Variants in TOP1 observed in about 807,000 individuals in gnomAD.
TOP1 encodes the protein DNA topoisomerase I, also known as DNA topoisomerase 1.
Under a neutral mutation model 111.1 loss-of-function variants are expected in TOP1, and 10 were observed. The observed-to-expected ratio is 0.09, with a 90% CI of 0.06 to 0.15. The LOEUF (loss-of-function observed/expected upper bound fraction) is 0.15, where lower values mean the gene tolerates loss of function less well. Among genes scored for constraint, TOP1 ranks in the 10% least tolerant of loss-of-function variants. TOP1 has a pLI of 1.00. For synonymous variants in TOP1, 271 were observed against 302.9 expected (o/e 0.89, Z 1.10); for missense variants, 474 against 926.7 (o/e 0.51, Z 6.34).
Position 41,115,253 on chromosome 20 carries a change from A to G in TOP1, c.1639-118A>G. ...AAAATGTTAACAGTGAATCTCGGTGACGGATGTATGCGTGTTCCTTGTGCC... is the reference window on the plus strand; with the variant it reads ...AAAATGTTAACAGTGAATCTCGGTGGCGGATGTATGCGTGTTCCTTGTGCC... On this transcript the variant is annotated intron_variant, in intron 15 of 20. Coordinates refer to ENST00000361337, the MANE Select transcript of TOP1 (RefSeq NM_003286.4). This position sits in a 1 kb window ranked among gnomAD's most constrained non-coding sequence, Gnocchi z 6.3. 1 of 643,866 alleles carries G rather than the reference A, an allele frequency of 1.6e-6. No individual in the cohort carries two copies. 39.9% of individuals were successfully genotyped at this position (643,866 alleles called of 1,614,324 possible).
At position 41,097,575 on chromosome 20, in the gene TOP1, G is replaced by A. The variant is rs1332522962; in HGVS notation, c.852+234G>A. Among the ~76,000 whole-genome samples, 2 of 152,138 alleles carry A rather than the reference G, an allele frequency of 1.3e-5. No homozygotes were observed. Among genetic ancestry groups the A allele is most frequent in the African/African-American group, 2.4e-5 (1 of 41,426 alleles). On this transcript the variant is annotated intron_variant, in intron 10 of 20. Transcript: ENST00000361337. This position sits in a 1 kb window ranked among gnomAD's most constrained non-coding sequence, Gnocchi z 4.2. ...TCTCATGTGATGGCAGGTAGGTGGG[G>A]GTTATCAGATTAGGCCAAACAGAAA...
At chr20:41,087,881 C>T (rs1350913087) in intron 8 of TOP1, among the ~76,000 whole-genome samples, 1 of 151,856 alleles carries the variant, frequency 6.6e-6, no homozygotes, top group Non-Finnish European at 1.5e-5. Context: ...TTATTCAAGT[C>T]AAGCTGCCAA....
chr20:41,029,211 C>T lies in TOP1; in HGVS notation c.33+111C>T. On this transcript the variant is annotated intron_variant, in intron 1 of 20. Transcript: ENST00000361337. The surrounding 1 kb of genome is among the most constrained non-coding windows in gnomAD (Gnocchi z 6.1). ...CCCGGCAGCTTTGACAGGCCGGAGC[C>T]CCCGGTGAGGGGCCGCCTGCCGGAG... 1 of 936,350 alleles carries T rather than the reference C, an allele frequency of 1.1e-6. No individual in the cohort carries two copies. Among genetic ancestry groups the T allele is most frequent in the Non-Finnish European group, 1.5e-6 (1 of 684,762 alleles). 58.0% of individuals were successfully genotyped at this position (936,350 alleles called of 1,614,324 possible). A position where few individuals can be genotyped will look rare whatever the true frequency, so the allele number is the denominator to read the frequency against.
intron 2 of TOP1, among the ~76,000 whole-genome samples, chr20:41,041,399 A>G (rs2033262013): frequency 7.0e-6 from 1 of 142,936 alleles, no homozygotes; most frequent in Non-Finnish European, 1.5e-5. Context: ...GCAGGGAGCC[A>G]TGTTTGCCCT....
In TOP1 at chr20:41,123,003, C is replaced by T. The variant is rs2034445753; in HGVS notation, c.2196-192C>T. 6.6e-6 allele frequency among the ~76,000 whole-genome samples: 1 copy of T among 152,190 alleles called. No individual in the cohort carries two copies. Among genetic ancestry groups the T allele is most frequent in the African/African-American group, 2.4e-5 (1 of 41,452 alleles). On this transcript the variant is annotated intron_variant, in intron 20 of 20. Transcript: ENST00000361337. The surrounding 1 kb of genome is among the most constrained non-coding windows in gnomAD (Gnocchi z 5.8). The stretch of plus-strand genomic sequence containing the variant: ...TTCACTTGTACATCTGCAGAAGCAC[C>T]TACTTTAGAGATCACTGCCAAGATT...
At position 41,110,803 on chromosome 20, in the gene TOP1, G is replaced by T. The variant is rs1474503768; in HGVS notation, c.1309-1979G>T. ...AGACCTTGCCTGGAAGACCTAGGTG[G>T]ATAGTTTATTTTCTAAAAGTAGTCA... is the stretch of plus-strand genomic sequence containing the variant. On this transcript the variant is annotated intron_variant, in intron 13 of 20. Coordinates refer to ENST00000361337, the MANE Select transcript of TOP1 (RefSeq NM_003286.4). The surrounding 1 kb of genome is among the most constrained non-coding windows in gnomAD (Gnocchi z 4.2). Among the ~76,000 whole-genome samples, 1 of 152,188 alleles carries T rather than the reference G, an allele frequency of 6.6e-6. No individual in the cohort carries two copies. Among genetic ancestry groups the T allele is most frequent in the African/African-American group, 2.4e-5 (1 of 41,442 alleles).
chr20:41,113,643 C>T (rs1488338259), intron 14 of TOP1, among the ~76,000 whole-genome samples: 2 of 148,134 alleles, frequency 1.4e-5, no homozygotes, highest in African/African-American at 4.9e-5. Flanking sequence ...TTTGGGAGGC[C>T]AAGGCAGGTG....
chr20:41,029,809 T>G lies in TOP1; in HGVS notation c.58+354T>G. 1 of 340,458 alleles carries G rather than the reference T, an allele frequency of 2.9e-6. No homozygotes were observed. 21.1% of individuals were successfully genotyped at this position (340,458 alleles called of 1,614,324 possible). ...TTCTCTCTCCTCTCCTTTCTGTGCC[T>G]GTGTCTCTTTCTCTCCCTCCCTCGG... is the stretch of plus-strand genomic sequence containing the variant. On this transcript the variant is annotated intron_variant, in intron 2 of 20. Transcript: ENST00000361337. The surrounding 1 kb of genome is among the most constrained non-coding windows in gnomAD (Gnocchi z 6.1).
chr20:41,096,708 A>G (rs993686426), intron 9 of TOP1, among the ~76,000 whole-genome samples: 5 of 152,114 alleles, frequency 3.3e-5, no homozygotes, highest in African/African-American at 1.2e-4. Flanking sequence ...GTATGGATAT[A>G]TATTTTTTTA....
intron 2 of TOP1, among the ~76,000 whole-genome samples, chr20:41,049,886 A>T (rs2033382192): frequency 6.6e-6 from 1 of 152,124 alleles, no homozygotes; most frequent in Non-Finnish European, 1.5e-5. Context: ...CTAACAGGGG[A>T]ATCCCATAGT....
rs2034454715 is a variant in TOP1, at chr20:41,123,749, G to A, written c.*452G>A. On this transcript the variant is annotated 3_prime_UTR_variant, in exon 21 of 21. Coordinates refer to ENST00000361337, the MANE Select transcript of TOP1 (RefSeq NM_003286.4). The surrounding 1 kb of genome is among the most constrained non-coding windows in gnomAD (Gnocchi z 5.8). ...ACTCCCTTCCCTCTCTCCCATTTCAGGAATTTAAAATTAAGTAGAACAAAA... is the reference window on the plus strand; with the variant it reads ...ACTCCCTTCCCTCTCTCCCATTTCAAGAATTTAAAATTAAGTAGAACAAAA... 4.3e-6 allele frequency: 1 copy of A among 232,128 alleles called. No homozygotes were observed. Among genetic ancestry groups the A allele is most frequent in the Non-Finnish European group, 8.5e-6 (1 of 117,250 alleles). The allele number at this position is 232,128 out of a possible 1,614,324, so 14.4% of individuals were successfully genotyped here.
chr20:41,088,847 G>A (rs1198520301), intron 8 of TOP1, among the ~76,000 whole-genome samples: 2 of 151,886 alleles, frequency 1.3e-5, no homozygotes, highest in Non-Finnish European at 2.9e-5. Context: ...TTTAAATTGT[G>A]TAAAATACAT....
rs550687121 is a variant in TOP1, at chr20:41,071,850, G to T, written c.156-4321G>T. On this transcript the variant is annotated intron_variant, in intron 3 of 20. Coordinates refer to ENST00000361337, the MANE Select transcript of TOP1 (RefSeq NM_003286.4). The surrounding 1 kb of genome is among the most constrained non-coding windows in gnomAD (Gnocchi z 4.3). ...AGCATCTATGCCTAGCCAATAATTG[G>T]TTGTTTTCTCGTTCAGAGTTCCTCA... Among the ~76,000 whole-genome samples the T allele has an allele frequency of 6.6e-6, 1 of 152,306 alleles. No individual in the cohort carries two copies. Among genetic ancestry groups the T allele is most frequent in the Admixed American group, 6.5e-5 (1 of 15,308 alleles).
rs945501239 is a variant in TOP1, at chr20:41,109,631, C to T, written c.1309-3151C>T. ...ATAATAAAAAAACAGACATCCCATC[C>T]GCATAATAAAAAGAGCAAAAGACTT... is the stretch of plus-strand genomic sequence containing the variant. On this transcript the variant is annotated intron_variant, in intron 13 of 20. Transcript: ENST00000361337. This position sits in a 1 kb window ranked among gnomAD's most constrained non-coding sequence, Gnocchi z 4.1. 1.6e-4 allele frequency among the ~76,000 whole-genome samples: 24 copies of T among 151,982 alleles called. No individual in the cohort carries two copies. Among genetic ancestry groups the T allele is most frequent in the Non-Finnish European group, 3.1e-4 (21 of 67,998 alleles).
intron 3 of TOP1, among the ~76,000 whole-genome samples, chr20:41,073,640 A>C (rs551758344): frequency 6.6e-6 from 1 of 152,282 alleles, no homozygotes; most frequent in African/African-American, 2.4e-5. Context: ...TGGAAATACT[A>C]AGTTTAAATC....
chr20:41,083,726 A>G lies in TOP1; in HGVS notation c.508-736A>G, dbSNP rs527694963. ...CAGGACAAAGGAAAATATTCTTCAA[A>G]AGAGTTCAGATTCTGAGTGGGATCT... is the stretch of plus-strand genomic sequence containing the variant. On this transcript the variant is annotated intron_variant, in intron 7 of 20. Coordinates refer to ENST00000361337, the MANE Select transcript of TOP1 (RefSeq NM_003286.4). This position sits in a 1 kb window ranked among gnomAD's most constrained non-coding sequence, Gnocchi z 7.2. 2.8e-4 allele frequency among the ~76,000 whole-genome samples: 42 copies of G among 152,344 alleles called. No individual in the cohort carries two copies. Among genetic ancestry groups the G allele is most frequent in the Middle Eastern group, 3.4e-3 (1 of 294 alleles).
chr20:41,117,380 A>ATTTTTTTT (rs1192075214), intron 17 of TOP1, among the ~76,000 whole-genome samples: 3 of 85,530 alleles, frequency 3.5e-5, no homozygotes, highest in African/African-American at 9.8e-5. Context: ...CTGTGGCTTA[A>ATTTTTTTT]TTTTTTTTTT....
At chr20:41,075,066 CTT>C (rs1341575435) in intron 3 of TOP1, among the ~76,000 whole-genome samples, 2 of 152,126 alleles carry the variant, frequency 1.3e-5, no homozygotes, top group Non-Finnish European at 2.9e-5. Context: ...AGTTTCCCCT[CTT>C]GTTAGGTGTA....
intron 8 of TOP1, among the ~76,000 whole-genome samples, chr20:41,089,022 T>TTTTTTTTTTTTTTTTTTTTTTTTTTTTG (rs2033884659): frequency 1.2e-5 from 1 of 86,712 alleles, no homozygotes; most frequent in African/African-American, 5.3e-5. Flanking sequence ...CCCCAGTTCT[T>TTTTTTTTTTTTTTTTTTTTTTTTTTTTG]TTTTTTTTTT....
Sources: allele counts gnomAD v4.1 joint callset (sites outside exome capture counted in the v4.1 genomes callset), GRCh38; gene constraint gnomAD v4.1.1; non-coding constraint Gnocchi (gnomAD v3.1); transcripts MANE v1.5; gene names NCBI Gene and HGNC (gene_info 2026-07-23, HGNC 2026-07-21).